The following IFFO2 variants were observed in gnomAD, a reference collection of about 807,000 sequenced individuals.
IFFO2 encodes intermediate filament family orphan 2.
IFFO2 carries 19 observed loss-of-function variants against 53.5 expected under a neutral mutation model. The observed-to-expected ratio is 0.36, with a 90% CI of 0.25 to 0.52. The LOEUF (loss-of-function observed/expected upper bound fraction) is 0.52, where lower values mean the gene tolerates loss of function less well. Ranked by LOEUF, IFFO2 falls within the 20% of genes least tolerant of loss-of-function variation. The pLI, the probability that IFFO2 is intolerant of heterozygous loss-of-function variation, is 0.94. For missense variants in IFFO2, 570 were observed against 727.4 expected (o/e 0.78, Z 2.49); for synonymous variants, 303 against 313.6 (o/e 0.97, Z 0.36).
rs1936723395 is a variant in IFFO2, at chr1:18,956,107, G to T, written c.226C>A (p.Arg76=). ...TGCTTCTCCAGCAGCCGGTTGCGCCGCTCCAGCTCGTGCACCTTAGCCAGG... is the reference window on the plus strand; with the variant it reads ...TGCTTCTCCAGCAGCCGGTTGCGCCTCTCCAGCTCGTGCACCTTAGCCAGG... ...CFLAKVHELE[R]RNRLLEKQLE... Residue 76 remains arginine, a synonymous_variant, in exon 1 of 9, where the codon CGG becomes AGG. Coordinates refer to ENST00000455833, the MANE Select transcript of IFFO2 (RefSeq NM_001136265.2). This position sits in a 1 kb window ranked among gnomAD's most constrained non-coding sequence, Gnocchi z 6.4. The T allele has an allele frequency of 6.7e-6, 10 of 1,502,912 alleles. No individual in the cohort carries two copies. Among genetic ancestry groups the T allele is most frequent in the Non-Finnish European group, 8.9e-6 (10 of 1,118,250 alleles). The allele number at this position is 1,502,912 out of a possible 1,614,324, so 93.1% of individuals were successfully genotyped here.
intron 1 of IFFO2, among the ~76,000 whole-genome samples, chr1:18,934,813 C>T (rs946164843): frequency 1.2e-4 from 19 of 152,186 alleles, no homozygotes; most frequent in African/African-American, 4.3e-4. Flanking sequence ...AGCATCCTCC[C>T]GAGCAGGTGA....
At chr1:18,934,537 T>C (rs976323457) in intron 1 of IFFO2, among the ~76,000 whole-genome samples, 3 of 152,208 alleles carry the variant, frequency 2.0e-5, no homozygotes, top group Admixed American at 6.5e-5. Context: ...CCTGCTCGTT[T>C]TCCCCTTGCT....
chr1:18,950,390 TCTGCCAAGCCCCAGG>T (rs1936645092), intron 1 of IFFO2, among the ~76,000 whole-genome samples: 2 of 152,118 alleles, frequency 1.3e-5, no homozygotes, highest in Non-Finnish European at 2.9e-5. Context: ...ATGCCCAAAA[TCTGCCAAGCCCCAGG>T]TACCTTAACA....
intron 8 of IFFO2, 86 bp downstream of exon 8, chr1:18,910,256 G>C: frequency 6.9e-7 from 1 of 1,454,112 alleles, no homozygotes; most frequent in Non-Finnish European, 9.4e-7. Context: ...GACAGGTTGG[G>C]AGCATGACAC....
In IFFO2 at chr1:18,917,011, G is replaced by A; in HGVS notation, c.995C>T (p.Ala332Val). ...VVPKKKERKV[A>V]SDDDISEQDG... Reference sequence around the variant, plus strand: ...CTGCTCAGAGATGTCATCATCGGAAGCCACCTTACGCTCTTTCTTTTTGGG... The same window carrying A: ...CTGCTCAGAGATGTCATCATCGGAAACCACCTTACGCTCTTTCTTTTTGGG... The change falls in exon 5 of 9, where the codon GCT becomes GTT. Residue 332 changes from alanine to valine, a missense_variant. By Grantham distance (64) the Ala-to-Val change is moderately conservative. Transcript: ENST00000455833. This position sits in a 1 kb window ranked among gnomAD's most constrained non-coding sequence, Gnocchi z 5.9. 1.3e-6 allele frequency: 2 copies of A among 1,552,310 alleles called. No individual in the cohort carries two copies. The highest frequency in any genetic ancestry group is 1.7e-6 in the Non-Finnish European group (2 of 1,147,116).
Position 18,919,721 on chromosome 1 carries a change from C to T in IFFO2, c.779G>A (p.Arg260Gln), listed in dbSNP as rs767813495. The change falls in exon 3 of 9, where the codon CGG becomes CAG. Residue 260 changes from arginine to glutamine, a missense_variant. Arg to Gln is a conservative substitution (Grantham distance 43). Transcript: ENST00000455833. The surrounding 1 kb of genome is among the most constrained non-coding windows in gnomAD (Gnocchi z 4.9). ...IQEEMNEKIE[R>Q]LKAELVVFKG... ...AAACACCACCAGCTCGGCCTTGAGC[C>T]GCTCGATCTTCTCATTCATCTCCTC... 9.7e-6 allele frequency: 15 copies of T among 1,551,690 alleles called. No homozygotes were observed. The highest frequency in any genetic ancestry group is 1.1e-5 in the Non-Finnish European group (13 of 1,146,986).
At position 18,917,760 on chromosome 1, in the gene IFFO2, C is replaced by T. The variant is rs1056235858; in HGVS notation, c.963+602G>A. On this transcript the variant is annotated intron_variant, in intron 4 of 8. Coordinates refer to ENST00000455833, the MANE Select transcript of IFFO2 (RefSeq NM_001136265.2). This position sits in a 1 kb window ranked among gnomAD's most constrained non-coding sequence, Gnocchi z 5.9. ...GCCTCATTCGGCTGGACTGGCCCCC[C>T]AAGCCCTCTCTGGAAGACAGCCTCA... Among the ~76,000 whole-genome samples, 1 of 152,120 alleles carries T rather than the reference C, an allele frequency of 6.6e-6. No individual in the cohort carries two copies. The highest frequency in any genetic ancestry group is 1.5e-5 in the Non-Finnish European group (1 of 68,022).
chr1:18,951,006 G>A (rs991179454), intron 1 of IFFO2, among the ~76,000 whole-genome samples: 1 of 152,230 alleles, frequency 6.6e-6, no homozygotes, highest in South Asian at 2.1e-4. Flanking sequence ...GTCGAGGCGG[G>A]GAGGCCAGCT....
Position 18,911,326 on chromosome 1 carries a change from T to C in IFFO2, c.1317+58A>G, listed in dbSNP as rs1209966347. On this transcript the variant is annotated intron_variant, in intron 7 of 8. Transcript: ENST00000455833. ...ACATGGGTGTTTGATCGCCAGGATCTCAACCATGTGGACCTCAGGAGAGCC... is the reference window on the plus strand; with the variant it reads ...ACATGGGTGTTTGATCGCCAGGATCCCAACCATGTGGACCTCAGGAGAGCC... The C allele has an allele frequency of 4.6e-6, 4 of 872,980 alleles. No homozygotes were observed. In the South Asian group the frequency reaches 8.6e-5, roughly 19 times the overall value. The allele number at this position is 872,980 out of a possible 1,614,324, so 54.1% of individuals were successfully genotyped here.
At chr1:18,931,714 A>C (rs1295501576) in intron 1 of IFFO2, among the ~76,000 whole-genome samples, 3 of 152,220 alleles carry the variant, frequency 2.0e-5, no homozygotes, top group Non-Finnish European at 4.4e-5. Context: ...TATCATTCCC[A>C]CTATACACAC....
At chr1:18,925,893 A>ATGGATGG (rs1557643149) in intron 1 of IFFO2, among the ~76,000 whole-genome samples, 1 of 15,024 alleles carries the variant, frequency 6.7e-5, no homozygotes, top group Non-Finnish European at 1.3e-4. Context: ...GGATGGATGG[A>ATGGATGG]TTGGATGGAT....
chr1:18,922,586 C>T (rs553169051), intron 1 of IFFO2, among the ~76,000 whole-genome samples: 1 of 152,206 alleles, frequency 6.6e-6, no homozygotes, highest in Non-Finnish European at 1.5e-5. Flanking sequence ...CCCTCTCCCC[C>T]TTTTCTCCAG....
intron 1 of IFFO2, among the ~76,000 whole-genome samples, chr1:18,950,109 G>A (rs1368717382): frequency 6.6e-6 from 1 of 152,176 alleles, no homozygotes; most frequent in Non-Finnish European, 1.5e-5. Flanking sequence ...AAAGGAAGTT[G>A]GGAGAAAGGG....
chr1:18,932,277 T>C (rs1359782731), intron 1 of IFFO2, among the ~76,000 whole-genome samples: 7 of 152,234 alleles, frequency 4.6e-5, no homozygotes, highest in African/African-American at 1.7e-4. Context: ...GCCTTCCCTG[T>C]CACTGGCTCC....
At chr1:18,942,593 T>C (rs1017684833) in intron 1 of IFFO2, among the ~76,000 whole-genome samples, 25 of 152,052 alleles carry the variant, frequency 1.6e-4, no homozygotes, top group African/African-American at 5.8e-4. Flanking sequence ...AGAGCCAGAG[T>C]TCCCACCCAA....
intron 1 of IFFO2, among the ~76,000 whole-genome samples, chr1:18,935,619 G>C (rs1397709816): frequency 6.6e-6 from 1 of 151,830 alleles, no homozygotes; most frequent in African/African-American, 2.4e-5. Context: ...CAAAGGCTCT[G>C]GGCCACTTGG....
At chr1:18,952,849 C>T (rs1323821889) in intron 1 of IFFO2, among the ~76,000 whole-genome samples, 1 of 152,212 alleles carries the variant, frequency 6.6e-6, no homozygotes, top group East Asian at 1.9e-4. Context: ...TTGTGATATG[C>T]AAGTTGTACC....
intron 1 of IFFO2, among the ~76,000 whole-genome samples, chr1:18,923,401 C>T (rs1314269740): frequency 6.6e-6 from 1 of 152,196 alleles, no homozygotes; most frequent in Non-Finnish European, 1.5e-5. Context: ...GGGAATGAGA[C>T]TTGCCCCAAA....
intron 1 of IFFO2, among the ~76,000 whole-genome samples, chr1:18,921,938 C>T: frequency 6.6e-6 from 1 of 152,126 alleles, no homozygotes; most frequent in East Asian, 1.9e-4. Flanking sequence ...TTCCCTGGGA[C>T]TGGATGATAT....
Sources: allele counts gnomAD v4.1 joint callset (sites outside exome capture counted in the v4.1 genomes callset), GRCh38; gene constraint gnomAD v4.1.1; non-coding constraint Gnocchi (gnomAD v3.1); transcripts MANE v1.5; gene names NCBI Gene and HGNC (gene_info 2026-07-23, HGNC 2026-07-21).